The following PLCB1 variants were observed in gnomAD, a reference collection of about 807,000 sequenced individuals.
PLCB1 encodes the protein 1-phosphatidylinositol 4,5-bisphosphate phosphodiesterase beta-1.
PLCB1 carries 46 observed loss-of-function variants against 161.8 expected under a neutral mutation model. That is an observed-to-expected ratio of 0.28 (90% confidence interval 0.22 to 0.36). The LOEUF (loss-of-function observed/expected upper bound fraction) is 0.36. Ranked by LOEUF, PLCB1 falls within the 10% of genes least tolerant of loss-of-function variation. The probability of loss-of-function intolerance (pLI) is 1.00; values close to 1 mark genes in which losing one functional copy is unlikely to be tolerated. For synonymous variants in PLCB1, 517 were observed against 503.7 expected (o/e 1.03, Z -0.35); for missense variants, 1,016 against 1,472.5 (o/e 0.69, Z 5.07).
At chr20:8,264,316 G>A (rs1981846118) in intron 2 of PLCB1, among the ~76,000 whole-genome samples, 1 of 152,078 alleles carries the variant, frequency 6.6e-6, no homozygotes, top group Non-Finnish European at 1.5e-5. Context: ...TCATATGATA[G>A]CAATGCCTTC....
At chr20:8,316,033 T>TA (rs1310934576) in intron 2 of PLCB1, among the ~76,000 whole-genome samples, 1 of 152,210 alleles carries the variant, frequency 6.6e-6, no homozygotes, top group African/African-American at 2.4e-5. Flanking sequence ...TACTTCCAGT[T>TA]ACCAGCAATT....
chr20:8,182,411 T>A (rs566137193), intron 2 of PLCB1, among the ~76,000 whole-genome samples: 1 of 152,136 alleles, frequency 6.6e-6, no homozygotes, highest in Admixed American at 6.5e-5. Flanking sequence ...CCAGTGGCCT[T>A]TTGTGTTTCT....
chr20:8,605,451 C>A (rs1407909007), intron 3 of PLCB1, among the ~76,000 whole-genome samples: 1 of 151,984 alleles, frequency 6.6e-6, no homozygotes, highest in Non-Finnish European at 1.5e-5. Flanking sequence ...AACAACCTTA[C>A]CCCTATATTT....
chr20:8,393,317 C>T (rs999266833), intron 3 of PLCB1, among the ~76,000 whole-genome samples: 4 of 152,040 alleles, frequency 2.6e-5, no homozygotes, highest in Non-Finnish European at 5.9e-5. Context: ...ATATAGAATA[C>T]TTTATCAAAA....
chr20:8,792,505 T>C, intron 31 of PLCB1: 1 of 469,586 alleles, frequency 2.1e-6, no homozygotes, highest in Non-Finnish European at 4.4e-6. Context: ...TGTTTCTTCC[T>C]TTCTGGCCCC....
chr20:8,396,175 C>A (rs1282328703), intron 3 of PLCB1, among the ~76,000 whole-genome samples: 1 of 152,040 alleles, frequency 6.6e-6, no homozygotes, highest in Non-Finnish European at 1.5e-5. Flanking sequence ...AATCATATAT[C>A]TAAAACCATA....
chr20:8,662,344 T>C (rs181048707), intron 9 of PLCB1, among the ~76,000 whole-genome samples: 1,268 of 125,232 alleles, frequency 0.01, 33 homozygotes, highest in African/African-American at 0.038. Flanking sequence ...TATATAATTA[T>C]GTATAATATG....
intron 2 of PLCB1, among the ~76,000 whole-genome samples, chr20:8,309,561 A>G (rs1984296623): frequency 6.6e-6 from 1 of 152,182 alleles, no homozygotes; most frequent in African/African-American, 2.4e-5. Flanking sequence ...TGGGACTACA[A>G]ATGAGAAATA....
Position 8,221,707 on chromosome 20 carries a change from CCTAA to C in PLCB1, c.177+71337_177+71340del, listed in dbSNP as rs1979420068. On this transcript the variant is annotated intron_variant, in intron 2 of 31. Coordinates refer to ENST00000338037, the MANE Select transcript of PLCB1 (RefSeq NM_015192.4). ...TTAGGTTTAAAATCTCAAATAGCAACCTAAGTGCATTAACAAAATATGTATTATA... is the reference window on the plus strand; with the variant it reads ...TTAGGTTTAAAATCTCAAATAGCAACGTGCATTAACAAAATATGTATTATA... 2.0e-5 allele frequency among the ~76,000 whole-genome samples: 3 copies of C among 152,122 alleles called. 1 individual carries two copies. The highest frequency in any genetic ancestry group is 7.2e-5 in the African/African-American group (3 of 41,500).
chr20:8,174,735 A>G (rs529237114), intron 2 of PLCB1, among the ~76,000 whole-genome samples: 2 of 152,246 alleles, frequency 1.3e-5, no homozygotes, highest in African/African-American at 4.8e-5. Context: ...ATACCCATAA[A>G]ATGTAATAAA....
intron 12 of PLCB1, among the ~76,000 whole-genome samples, chr20:8,715,627 A>G (rs563409187): frequency 1.3e-5 from 2 of 152,096 alleles, no homozygotes; most frequent in Non-Finnish European, 2.9e-5. Context: ...TCTGTTATGT[A>G]TATATGAGTT....
chr20:8,872,544 C>T (rs954582953), intron 31 of PLCB1, among the ~76,000 whole-genome samples: 4 of 152,122 alleles, frequency 2.6e-5, no homozygotes, highest in East Asian at 1.9e-4. Context: ...CCTTGGTTGC[C>T]GAGGAACCCG....
chr20:8,273,979 T>G (rs1395308428), intron 2 of PLCB1, among the ~76,000 whole-genome samples: 2 of 152,144 alleles, frequency 1.3e-5, no homozygotes, highest in Non-Finnish European at 2.9e-5. Flanking sequence ...GTTAATACTA[T>G]TGAAAGTAAT....
At chr20:8,779,711 T>C (rs1983120779) in intron 27 of PLCB1, among the ~76,000 whole-genome samples, 1 of 152,186 alleles carries the variant, frequency 6.6e-6, no homozygotes, top group South Asian at 2.1e-4. Context: ...TGTCTTGTCA[T>C]ATGGTCAAGT....
chr20:8,624,548 T>C (rs982681271), intron 3 of PLCB1, among the ~76,000 whole-genome samples: 1 of 152,218 alleles, frequency 6.6e-6, no homozygotes, highest in African/African-American at 2.4e-5. Context: ...TCCTTTAGCC[T>C]GTGTTTATTC....
At position 8,684,948 on chromosome 20, in the gene PLCB1, T is replaced by A. The variant is rs141935046; in HGVS notation, c.879T>A (p.Asp293Glu). The A allele has an allele frequency of 2.5e-6, 4 of 1,613,334 alleles. No homozygotes were observed. Among genetic ancestry groups the A allele is most frequent in the Non-Finnish European group, 8.5e-7 (1 of 1,179,684 alleles). ...TTCCTCCAGGACAAATATCAGTGGA[T>A]GGGTTCATGCGCTATCTGAGTGGAG... ...SLARKGQISVDGFMRYLSGEE... is the reference protein window; with the variant it reads ...SLARKGQISVEGFMRYLSGEE... Residue 293 changes from aspartate to glutamate, a missense_variant, in exon 10 of 32, where the codon GAT becomes GAA. Around this residue, in one of 10 missense-constraint regions of PLCB1, gnomAD observed 117 missense variants for 142.2 expected, o/e 0.82. Transcript: ENST00000338037.
intron 3 of PLCB1, among the ~76,000 whole-genome samples, chr20:8,514,083 G>T (rs753049459): frequency 2.7e-5 from 4 of 149,874 alleles, no homozygotes; most frequent in African/African-American, 7.3e-5. Flanking sequence ...GAAGAAAAAA[G>T]ATGTAATTAC....
chr20:8,141,232 T>C (rs1220317397), intron 1 of PLCB1, among the ~76,000 whole-genome samples: 2 of 152,256 alleles, frequency 1.3e-5, no homozygotes, highest in African/African-American at 4.8e-5. Context: ...TGAGCTATTG[T>C]CTTCAAAATA....
At chr20:8,216,837 T>C (rs887757906) in intron 2 of PLCB1, among the ~76,000 whole-genome samples, 7 of 152,168 alleles carry the variant, frequency 4.6e-5, no homozygotes, top group Admixed American at 4.6e-4. Flanking sequence ...CATGGAGCTC[T>C]AAGTCTATTC....
Sources: allele counts gnomAD v4.1 joint callset (sites outside exome capture counted in the v4.1 genomes callset), GRCh38; gene constraint gnomAD v4.1.1; regional missense constraint gnomAD v4.1.1; transcripts MANE v1.5; gene names NCBI Gene and HGNC (gene_info 2026-07-23, HGNC 2026-07-21).